Variants in ABTB3 observed in about 807,000 individuals in gnomAD.
ABTB3 encodes the protein ankyrin repeat and BTB domain containing 3.
chr12:107,571,834 T>A, the ABTB3 span, among the ~76,000 whole-genome samples: 1 of 152,256 alleles, frequency 6.6e-6, no homozygotes, highest in African/African-American at 2.4e-5. Flanking sequence ...GCTGGCTGGC[T>A]GGTCCCCACA....
At chr12:107,536,593 A>G in the ABTB3 span, among the ~76,000 whole-genome samples, 1 of 152,222 alleles carries the variant, frequency 6.6e-6, no homozygotes, top group Non-Finnish European at 1.5e-5. Context: ...ACATTTCTCA[A>G]AAGAAGACAT....
chr12:107,622,639 G>T, the ABTB3 span, among the ~76,000 whole-genome samples: 1 of 152,116 alleles, frequency 6.6e-6, no homozygotes, highest in Non-Finnish European at 1.5e-5. Flanking sequence ...GCACCACCAT[G>T]CCTGGCTAAT....
At chr12:107,373,046 A>G in the ABTB3 span, among the ~76,000 whole-genome samples, 2 of 151,992 alleles carry the variant, frequency 1.3e-5, no homozygotes, top group African/African-American at 4.8e-5. Flanking sequence ...TGCCAGTAAC[A>G]CCCCCTCTCC....
the ABTB3 span, among the ~76,000 whole-genome samples, chr12:107,446,494 G>T: frequency 6.6e-6 from 1 of 152,086 alleles, no homozygotes; most frequent in Non-Finnish European, 1.5e-5. Flanking sequence ...GCAGTGTTGG[G>T]AAGTCAAACA....
the ABTB3 span, among the ~76,000 whole-genome samples, chr12:107,481,434 T>C: frequency 6.6e-6 from 1 of 152,186 alleles, no homozygotes; most frequent in Non-Finnish European, 1.5e-5. Context: ...CATCTCCCCC[T>C]GCTTATCTGG....
chr12:107,406,102 G>A, the ABTB3 span, among the ~76,000 whole-genome samples: 1 of 152,152 alleles, frequency 6.6e-6, no homozygotes. Context: ...ACCTGCCTGG[G>A]TATCACTTTC....
chr12:107,482,969 T>C, the ABTB3 span, among the ~76,000 whole-genome samples: 70 of 81,168 alleles, frequency 8.6e-4, 1 homozygote, highest in African/African-American at 2.1e-3. Context: ...TCTTTCTTTC[T>C]TTCTTTCTTT....
At chr12:107,347,862 C>T in the ABTB3 span, among the ~76,000 whole-genome samples, 1 of 152,082 alleles carries the variant, frequency 6.6e-6, no homozygotes, top group Non-Finnish European at 1.5e-5. Flanking sequence ...CCACAAAGGA[C>T]ATCCAGATGT....
At chr12:107,460,806 G>T in the ABTB3 span, among the ~76,000 whole-genome samples, 1 of 152,172 alleles carries the variant, frequency 6.6e-6, no homozygotes, top group African/African-American at 2.4e-5. Flanking sequence ...GGGTCCCAGT[G>T]GGGAAACATA....
the ABTB3 span, among the ~76,000 whole-genome samples, chr12:107,463,950 T>C: frequency 6.6e-6 from 1 of 152,198 alleles, no homozygotes; most frequent in African/African-American, 2.4e-5. Context: ...CCCTCATCTC[T>C]CTGGGCCTCT....
At chr12:107,647,013 C>A in the ABTB3 span, among the ~76,000 whole-genome samples, 1 of 152,020 alleles carries the variant, frequency 6.6e-6, no homozygotes, top group East Asian at 1.9e-4. Context: ...TGCAGGCAAG[C>A]GGTTGAGTGG....
At chr12:107,653,495 C>T in the ABTB3 span, among the ~76,000 whole-genome samples, 12 of 143,562 alleles carry the variant, frequency 8.4e-5, no homozygotes, top group Admixed American at 1.4e-4. Flanking sequence ...CCAGCCTGGG[C>T]GACAGAGCAA....
At chr12:107,521,075 T>C in the ABTB3 span, among the ~76,000 whole-genome samples, 1 of 152,182 alleles carries the variant, frequency 6.6e-6, no homozygotes. Flanking sequence ...GAGTATATTC[T>C]CAGAGAAATA....
chr12:107,427,277 G>T, the ABTB3 span, among the ~76,000 whole-genome samples: 3 of 150,100 alleles, frequency 2.0e-5, no homozygotes, highest in Non-Finnish European at 4.5e-5. Context: ...ACCCTCCTGT[G>T]TCCCTATTTT....
At chr12:107,498,829 G>A in the ABTB3 span, among the ~76,000 whole-genome samples, 1 of 152,162 alleles carries the variant, frequency 6.6e-6, no homozygotes, top group Non-Finnish European at 1.5e-5. Context: ...CAAAGGTTCT[G>A]GGGACTAGGA....
chr12:107,543,274 A>T, the ABTB3 span, among the ~76,000 whole-genome samples: 1 of 148,270 alleles, frequency 6.7e-6, no homozygotes, highest in African/African-American at 2.5e-5. Flanking sequence ...GGAAGGCAGA[A>T]GTTGCAGTGA....
the ABTB3 span, among the ~76,000 whole-genome samples, chr12:107,449,330 C>T: frequency 1.3e-5 from 2 of 152,220 alleles, no homozygotes; most frequent in Non-Finnish European, 2.9e-5. Flanking sequence ...GACCTCCCAG[C>T]ATCTAAACTG....
At chr12:107,508,438 CTTTTTTTTTTTTTTTTTTTTT>C in the ABTB3 span, among the ~76,000 whole-genome samples, 2 of 69,150 alleles carry the variant, frequency 2.9e-5, no homozygotes, top group African/African-American at 5.4e-5. Flanking sequence ...AAGATCATTT[CTTTTTTTTTTTTTTTTTTTTT>C]TTTTTTTTTG....
At chr12:107,344,419 A>G in the ABTB3 span, among the ~76,000 whole-genome samples, 5 of 152,236 alleles carry the variant, frequency 3.3e-5, no homozygotes, top group African/African-American at 1.2e-4. Flanking sequence ...TATCGTAGCT[A>G]GTTAATGACC....
Sources: allele counts gnomAD v4.1 joint callset (sites outside exome capture counted in the v4.1 genomes callset), GRCh38; gene constraint gnomAD v4.1.1; transcripts MANE v1.5; gene names NCBI Gene and HGNC (gene_info 2026-07-23, HGNC 2026-07-21).